KCNQ4: variants seen among roughly 807,000 people sequenced by gnomAD.
KCNQ4 encodes the protein potassium voltage-gated channel subfamily Q member 4, also known as potassium voltage-gated channel subfamily KQT member 4.
A neutral mutation model predicts 72.6 loss-of-function variants in KCNQ4; 31 were observed. The ratio of observed to expected loss-of-function variants is 0.43; its 90% confidence interval spans 0.32 to 0.58. KCNQ4 has a LOEUF of 0.58. Ranked by LOEUF, KCNQ4 falls within the 20% of genes least tolerant of loss-of-function variation. The probability of loss-of-function intolerance (pLI) is 0.08; values close to 1 mark genes in which losing one functional copy is unlikely to be tolerated. For synonymous variants in KCNQ4, 405 were observed against 403.7 expected (o/e 1.00, Z -0.04); for missense variants, 869 against 962.6 (o/e 0.90, Z 1.29).
At chr1:40,793,890 C>A (rs1182828484) in intron 1 of KCNQ4, among the ~76,000 whole-genome samples, 1 of 152,158 alleles carries the variant, frequency 6.6e-6, no homozygotes, top group South Asian at 2.1e-4. Context: ...CCCTTCAGTG[C>A]CCCCAGAGTT....
chr1:40,786,129 G>A (rs925047568), intron 1 of KCNQ4, among the ~76,000 whole-genome samples: 4 of 152,066 alleles, frequency 2.6e-5, no homozygotes, highest in Admixed American at 1.3e-4. Context: ...TCTTAGGAGT[G>A]GCTACAGAGC....
At chr1:40,824,398 G>A (rs779017595) in intron 9 of KCNQ4, 140 bp downstream of exon 9, 137 of 883,246 alleles carry the variant, frequency 1.6e-4, no homozygotes, top group Non-Finnish European at 2.1e-4. Context: ...GCCGTCAGAG[G>A]GCCAGACAGG....
In KCNQ4 at chr1:40,824,271, T is replaced by G; in HGVS notation, c.1292+13T>G. The stretch of plus-strand genomic sequence containing the variant: ...GCCCTGGGGAAAGGTAGGGGCCCCG[T>G]GGGGCTGCCACCTCCTCTTGCTTCT... On this transcript the variant is annotated intron_variant, in intron 9 of 13. Transcript: ENST00000347132. 1.2e-6 allele frequency: 2 copies of G among 1,603,730 alleles called. No individual in the cohort carries two copies. Among genetic ancestry groups the G allele is most frequent in the Non-Finnish European group, 1.7e-6 (2 of 1,176,730 alleles).
At chr1:40,819,246 C>T in intron 4 of KCNQ4, 101 bp from the exon 5 acceptor site, 4 of 1,427,030 alleles carry the variant, frequency 2.8e-6, no homozygotes, top group Non-Finnish European at 3.9e-6. Context: ...GCCTGGGACT[C>T]CGGGAGATGG....
chr1:40,813,733 C>CTTGTTTTTGTTT (rs550707773), intron 1 of KCNQ4, among the ~76,000 whole-genome samples: 4 of 151,698 alleles, frequency 2.6e-5, no homozygotes, highest in African/African-American at 9.7e-5. Flanking sequence ...GTGGGCTTTT[C>CTTGTTTTTGTTT]TTGTTTTTGT....
chr1:40,800,601 A>G (rs1647544493), intron 1 of KCNQ4, among the ~76,000 whole-genome samples: 1 of 152,106 alleles, frequency 6.6e-6, no homozygotes, highest in East Asian at 1.9e-4. Flanking sequence ...CTCAGGCTTC[A>G]CAGGACAGTG....
chr1:40,784,439 T>TC lies in KCNQ4; in HGVS notation c.314+36dup, dbSNP rs749340095. 6.3e-7 allele frequency: 1 copy of TC among 1,599,108 alleles called. No homozygotes were observed. Among genetic ancestry groups the TC allele is most frequent in the South Asian group, 1.1e-5 (1 of 90,994 alleles). ...TTGCGACCCCGCGCCCTTCCGCGTT[T>TC]CCCCGCGCAAGCCTGGCCTCCCGGG... On this transcript the variant is annotated intron_variant, in intron 1 of 13. Coordinates refer to ENST00000347132, the MANE Select transcript of KCNQ4 (RefSeq NM_004700.4). The surrounding 1 kb of genome is among the most constrained non-coding windows in gnomAD (Gnocchi z 4.1).
chr1:40,787,924 A>T (rs1647219952), intron 1 of KCNQ4, among the ~76,000 whole-genome samples: 1 of 152,034 alleles, frequency 6.6e-6, no homozygotes, highest in Non-Finnish European at 1.5e-5. Flanking sequence ...CTCCCCAGCC[A>T]CTATGAGCCG....
At chr1:40,837,628 G>C (rs777713194) in intron 12 of KCNQ4, 37 bp from the exon 13 acceptor site, 2 of 1,598,728 alleles carry the variant, frequency 1.3e-6, no homozygotes, top group Non-Finnish European at 8.5e-7. Flanking sequence ...GAGGGACGGC[G>C]TGTCCCCGGG....
chr1:40,808,765 C>G (rs1036980029), intron 1 of KCNQ4, among the ~76,000 whole-genome samples: 2 of 151,978 alleles, frequency 1.3e-5, no homozygotes, highest in African/African-American at 4.9e-5. Flanking sequence ...CACTCTGTCT[C>G]CCCGCATCTT....
chr1:40,819,535 G>A (rs1648218469), intron 5 of KCNQ4, 63 bp downstream of exon 5: 1 of 1,603,814 alleles, frequency 6.2e-7, no homozygotes, highest in Non-Finnish European at 8.5e-7. Flanking sequence ...ACTTCCCGAG[G>A]TCTGCCCATC....
intron 1 of KCNQ4, among the ~76,000 whole-genome samples, chr1:40,799,127 A>G (rs977741771): frequency 6.6e-6 from 1 of 152,252 alleles, no homozygotes; most frequent in African/African-American, 2.4e-5. Flanking sequence ...GATCCCTGGC[A>G]TACACCCAGT....
Position 40,838,591 on chromosome 1 carries a change from G to A in KCNQ4, c.*68G>A. ...CCTGGCGCTCCGACTGCCCTCTGAG[G>A]CCTCCGGACTCCTCTCGTACTTGAA... On this transcript the variant is annotated 3_prime_UTR_variant, in exon 14 of 14. Transcript: ENST00000347132. The A allele has an allele frequency of 7.2e-7, 1 of 1,393,484 alleles. No homozygotes were observed. Among genetic ancestry groups the A allele is most frequent in the Non-Finnish European group, 1.0e-6 (1 of 980,540 alleles). The allele number at this position is 1,393,484 out of a possible 1,614,324, so 86.3% of individuals were successfully genotyped here. A position where few individuals can be genotyped will look rare whatever the true frequency, so the allele number is the denominator to read the frequency against.
chr1:40,802,577 C>A (rs938474035), intron 1 of KCNQ4, among the ~76,000 whole-genome samples: 7 of 152,066 alleles, frequency 4.6e-5, no homozygotes, highest in Non-Finnish European at 8.8e-5. Context: ...CTCGCCGAGG[C>A]GGGCTGGGGG....
intron 1 of KCNQ4, among the ~76,000 whole-genome samples, chr1:40,796,566 G>A (rs1386728331): frequency 2.0e-5 from 3 of 152,098 alleles, no homozygotes; most frequent in East Asian, 3.9e-4. Context: ...AACTCACCCG[G>A]ACTATGTCTG....
In KCNQ4 at chr1:40,802,799, G is replaced by A. The variant is rs543039905; in HGVS notation, c.315-14466G>A. 3.9e-3 allele frequency among the ~76,000 whole-genome samples: 592 copies of A among 152,288 alleles called. 6 individuals carry two copies. The highest frequency in any genetic ancestry group is 3.5e-3 in the Non-Finnish European group (236 of 68,010). The stretch of plus-strand genomic sequence containing the variant: ...AACCCCTCTGTAGGTTCACCCAGGG[G>A]AGACCCCTGCCTCCAGACTGCCGGA... On this transcript the variant is annotated intron_variant, in intron 1 of 13. Coordinates refer to ENST00000347132, the MANE Select transcript of KCNQ4 (RefSeq NM_004700.4).
chr1:40,838,133 C>T (rs1046582194), intron 13 of KCNQ4, among the ~76,000 whole-genome samples, 178 bp from the exon 14 acceptor site: 5 of 152,162 alleles, frequency 3.3e-5, no homozygotes, highest in African/African-American at 1.2e-4. Context: ...GGTTATGCAC[C>T]AGTGCCCAGC....
chr1:40,827,684 T>G (rs1454862655), intron 9 of KCNQ4, among the ~76,000 whole-genome samples: 2 of 152,176 alleles, frequency 1.3e-5, no homozygotes, highest in Admixed American at 6.5e-5. Flanking sequence ...GTGCTTCTGC[T>G]GAGAGGTGTT....
chr1:40,820,616 C>T (rs1648259508), intron 7 of KCNQ4, among the ~76,000 whole-genome samples: 1 of 152,230 alleles, frequency 6.6e-6, no homozygotes. Flanking sequence ...CAGCAGTAAG[C>T]CTGCCCCACT....
Sources: gnomAD v4.1 joint callset for allele counts (sites outside exome capture counted in the v4.1 genomes callset) on GRCh38, gnomAD v4.1.1 for gene constraint, Gnocchi (gnomAD v3.1) non-coding constraint, MANE v1.5 for transcripts, NCBI Gene and HGNC (gene_info 2026-07-23, HGNC 2026-07-21) for gene names.